MED13L: variants seen among roughly 807,000 people sequenced by gnomAD.
MED13L encodes the protein mediator of RNA polymerase II transcription subunit 13-like.
A neutral mutation model predicts 220.9 loss-of-function variants in MED13L; 7 were observed. That is an observed-to-expected ratio of 0.03 (90% CI 0.02 to 0.06). The LOEUF (loss-of-function observed/expected upper bound fraction) is 0.06. Ranked by LOEUF, MED13L falls within the 10% of genes least tolerant of loss-of-function variation. MED13L has a pLI of 1.00. For synonymous variants in MED13L, 1,011 were observed against 1,015.2 expected, an observed-to-expected ratio of 1.00 and a Z score of 0.08; for missense variants, 1,965 against 2,760.5, an observed-to-expected ratio of 0.71 and a Z score of 6.46.
chr12:116,136,217 CTGT>C (rs1876538206), intron 2 of MED13L, among the ~76,000 whole-genome samples: 1 of 152,008 alleles, frequency 6.6e-6, no homozygotes, highest in Non-Finnish European at 1.5e-5. Flanking sequence ...ATTCTTTTGG[CTGT>C]TGTTGTGTCT....
At chr12:116,138,350 C>T (rs1006130798) in intron 2 of MED13L, among the ~76,000 whole-genome samples, 1 of 152,110 alleles carries the variant, frequency 6.6e-6, no homozygotes, top group Non-Finnish European at 1.5e-5. Context: ...GTTGCTGTTA[C>T]GTACAGGGAC....
chr12:115,973,734 C>T (rs183002091), intron 25 of MED13L, among the ~76,000 whole-genome samples: 5 of 152,246 alleles, frequency 3.3e-5, no homozygotes, highest in African/African-American at 1.2e-4. Flanking sequence ...GATGAATCCC[C>T]TAATGTATTA....
At chr12:116,009,517 T>C (rs1486666447) in intron 9 of MED13L, among the ~76,000 whole-genome samples, 1 of 152,174 alleles carries the variant, frequency 6.6e-6, no homozygotes, top group Non-Finnish European at 1.5e-5. Flanking sequence ...CAATTTCTAT[T>C]TTATAACACT....
chr12:116,146,593 G>A (rs1303017808), intron 2 of MED13L, among the ~76,000 whole-genome samples: 1 of 151,950 alleles, frequency 6.6e-6, no homozygotes, highest in African/African-American at 2.4e-5. Flanking sequence ...AGCCAACCAT[G>A]GTGACTCACG....
At chr12:116,241,827 C>T (rs922009974) in intron 1 of MED13L, among the ~76,000 whole-genome samples, 11 of 151,964 alleles carry the variant, frequency 7.2e-5, no homozygotes, top group Middle Eastern at 3.2e-3. Flanking sequence ...ACTAATCAAG[C>T]CTAAAAGAGA....
chr12:115,972,408 A>G, intron 25 of MED13L, 172 bp from the exon 26 acceptor site: 1 of 727,376 alleles, frequency 1.4e-6, no homozygotes, highest in Admixed American at 2.1e-5. Flanking sequence ...CTCGACTTCT[A>G]TTACACTTCA....
chr12:115,973,299 G>C (rs1313293698), intron 25 of MED13L, among the ~76,000 whole-genome samples: 2 of 152,156 alleles, frequency 1.3e-5, no homozygotes, highest in African/African-American at 2.4e-5. Context: ...TGAAACCTAA[G>C]GCTCCTGTCA....
At chr12:116,272,895 A>G (rs368464469) in intron 1 of MED13L, among the ~76,000 whole-genome samples, 1 of 152,232 alleles carries the variant, frequency 6.6e-6, no homozygotes, top group South Asian at 2.1e-4. Flanking sequence ...TATGGCAACT[A>G]TTACCGGGTG....
intron 15 of MED13L, 147 bp downstream of exon 15, chr12:115,996,863 C>G (rs1878439096): frequency 2.9e-6 from 3 of 1,020,794 alleles, no homozygotes; most frequent in Non-Finnish European, 4.6e-6. Context: ...ATTTAATATG[C>G]CTGCTGGTGT....
intron 2 of MED13L, among the ~76,000 whole-genome samples, chr12:116,115,497 A>T (rs1874428569): frequency 6.6e-6 from 1 of 152,182 alleles, no homozygotes; most frequent in Non-Finnish European, 1.5e-5. Context: ...TGATAAACAG[A>T]GTTTCATCAA....
At chr12:116,276,173 G>A (rs1488507329) in intron 1 of MED13L, among the ~76,000 whole-genome samples, 2 of 152,142 alleles carry the variant, frequency 1.3e-5, no homozygotes, top group East Asian at 3.8e-4. Flanking sequence ...GAGAACAATT[G>A]ACACCCTAAC....
At chr12:116,205,966 T>C (rs1428194878) in intron 2 of MED13L, among the ~76,000 whole-genome samples, 1 of 151,532 alleles carries the variant, frequency 6.6e-6, no homozygotes, top group Non-Finnish European at 1.5e-5. Context: ...TTTGCTTCCT[T>C]TGTATAAAGA....
At position 116,237,654 on chromosome 12, in the gene MED13L, C is replaced by A. The variant is rs1247142719; in HGVS notation, c.124G>T (p.Asp42Tyr). 6.8e-6 allele frequency: 11 copies of A among 1,614,176 alleles called. No individual in the cohort carries two copies. The highest frequency in any genetic ancestry group is 8.5e-6 in the Non-Finnish European group (10 of 1,180,032). The change falls in exon 2 of 31, where the codon GAC (aspartate) becomes TAC (tyrosine). Residue 42 changes from aspartate (D) to tyrosine (Y), a missense_variant. Around this residue, in one of 10 missense-constraint regions of MED13L, gnomAD observed 818 missense variants for 1,041.2 expected, o/e 0.79. Coordinates refer to ENST00000281928, the MANE Select transcript of MED13L (RefSeq NM_015335.5). ...WRRYNFGGHG[D>Y]CGPIISAPAQ... ...GGGGCTGAAATTATGGGTCCACAGT[C>A]CCCATGCCCTCCAAAATTGTACCTA...
intron 29 of MED13L, among the ~76,000 whole-genome samples, chr12:115,964,916 T>C (rs1876033774): frequency 6.6e-6 from 1 of 152,162 alleles, no homozygotes; most frequent in Non-Finnish European, 1.5e-5. Context: ...CTGCTAAGCT[T>C]TTTCAGCAGA....
intron 4 of MED13L, among the ~76,000 whole-genome samples, chr12:116,074,882 G>C (rs1368148876): frequency 6.6e-6 from 1 of 152,258 alleles, no homozygotes; most frequent in Non-Finnish European, 1.5e-5. Context: ...AATGTGTAAG[G>C]ATGGAAACCA....
At chr12:116,065,560 T>G (rs1243754640) in intron 4 of MED13L, among the ~76,000 whole-genome samples, 1 of 152,186 alleles carries the variant, frequency 6.6e-6, no homozygotes, top group African/African-American at 2.4e-5. Flanking sequence ...ATATTCCTTC[T>G]GACCAGATCC....
At chr12:116,136,495 G>A (rs1317097906) in intron 2 of MED13L, among the ~76,000 whole-genome samples, 15 of 152,168 alleles carry the variant, frequency 9.9e-5, no homozygotes, top group South Asian at 2.1e-4. Context: ...ATGCATTCAC[G>A]CCAAATGAAG....
intron 4 of MED13L, among the ~76,000 whole-genome samples, chr12:116,072,513 G>A (rs1593011051): frequency 1.3e-5 from 2 of 152,182 alleles, no homozygotes; most frequent in South Asian, 2.1e-4. Flanking sequence ...GTGCAGTGGC[G>A]CAATCTCGGC....
At chr12:116,122,313 A>C (rs1257843207) in intron 2 of MED13L, among the ~76,000 whole-genome samples, 2 of 152,220 alleles carry the variant, frequency 1.3e-5, no homozygotes. Flanking sequence ...ATTATGAAAT[A>C]TAGCACTTCA....
Sources: allele counts gnomAD v4.1 joint callset (sites outside exome capture counted in the v4.1 genomes callset), GRCh38; gene constraint gnomAD v4.1.1; regional missense constraint gnomAD v4.1.1; transcripts MANE v1.5; gene names NCBI Gene and HGNC (gene_info 2026-07-23, HGNC 2026-07-21).